Variants in HNRNPM observed in about 807,000 individuals in gnomAD.
HNRNPM encodes heterogeneous nuclear ribonucleoprotein M.
HNRNPM carries 11 observed loss-of-function variants against 73.1 expected under a neutral mutation model. The observed-to-expected ratio is 0.15, with a 90% CI of 0.09 to 0.25. The LOEUF is 0.25. Ranked by LOEUF, HNRNPM falls within the 10% of genes least tolerant of loss-of-function variation. HNRNPM has a pLI of 1.00. For synonymous variants in HNRNPM, 407 were observed against 355.2 expected, an observed-to-expected ratio of 1.15 and a Z score of -1.64; for missense variants, 789 against 1,067.9, an observed-to-expected ratio of 0.74 and a Z score of 3.64.
In HNRNPM at chr19:8,455,510, C is replaced by G. The variant is rs757319373; in HGVS notation, c.219C>G (p.Ala73=). 3 of 1,613,906 alleles carry G rather than the reference C, an allele frequency of 1.9e-6. No homozygotes were observed. The highest frequency in any genetic ancestry group is 1.1e-5 in the South Asian group (1 of 91,084). Residue 73 remains alanine, a synonymous_variant, in exon 2 of 16, where the codon GCC becomes GCG. Coordinates refer to ENST00000325495, the MANE Select transcript of HNRNPM (RefSeq NM_005968.5). ...CCAATCCAACTAAAAGATACAGAGC[C>G]TTCATTACAAACATACCTTTTGATG... The part of the protein sequence containing the change: ...PYANPTKRYR[A]FITNIPFDVK...
chr19:8,451,264 A>T (rs1312998723), intron 1 of HNRNPM, among the ~76,000 whole-genome samples: 1 of 152,040 alleles, frequency 6.6e-6, no homozygotes, highest in African/African-American at 2.4e-5. Context: ...GCTGGTCTTG[A>T]ACTCCTGACC....
chr19:8,455,718 C>T (rs1968958112), intron 2 of HNRNPM, 144 bp downstream of exon 2: 1 of 554,310 alleles, frequency 1.8e-6, no homozygotes, highest in Admixed American at 3.3e-5. Context: ...CCCCTTACCC[C>T]ACCTCAGTTT....
At chr19:8,456,204 G>T (rs549443143) in intron 2 of HNRNPM, among the ~76,000 whole-genome samples, 22 of 152,098 alleles carry the variant, frequency 1.4e-4, no homozygotes, top group Non-Finnish European at 2.6e-4. Context: ...TCATAGCCTA[G>T]GTGTCCACCT....
At chr19:8,479,617 A>G (rs1262456518) in intron 12 of HNRNPM, among the ~76,000 whole-genome samples, 1 of 151,480 alleles carries the variant, frequency 6.6e-6, no homozygotes, top group African/African-American at 2.4e-5. Flanking sequence ...TGCCCAGCTA[A>G]TTTATTTTTT....
At chr19:8,479,096 T>TTTG (rs374579566) in intron 12 of HNRNPM, among the ~76,000 whole-genome samples, 1 of 126,924 alleles carries the variant, frequency 7.9e-6, no homozygotes, top group Non-Finnish European at 1.6e-5. Context: ...TTTTTTTTTT[T>TTTG]TTTTTTCAAG....
chr19:8,480,627 C>T (rs58043469), intron 12 of HNRNPM, among the ~76,000 whole-genome samples: 9,005 of 151,202 alleles, frequency 0.06, 575 homozygotes, highest in African/African-American at 0.16. Flanking sequence ...GACACCACTG[C>T]ACTCTAGCCT....
chr19:8,467,775 C>T (rs1969855198), intron 8 of HNRNPM, among the ~76,000 whole-genome samples, 191 bp downstream of exon 8: 1 of 152,136 alleles, frequency 6.6e-6, no homozygotes, highest in Admixed American at 6.5e-5. Context: ...GCCTGTAATC[C>T]CAGCACTTTG....
At chr19:8,451,742 G>C (rs942977270) in intron 1 of HNRNPM, among the ~76,000 whole-genome samples, 4 of 152,004 alleles carry the variant, frequency 2.6e-5, no homozygotes, top group Non-Finnish European at 5.9e-5. Flanking sequence ...TGTTACCCAG[G>C]CTGGTCTCAA....
At chr19:8,474,022 A>G in intron 11 of HNRNPM, 145 bp from the exon 12 acceptor site, 1 of 623,988 alleles carries the variant, frequency 1.6e-6, no homozygotes, top group Non-Finnish European at 2.8e-6. Flanking sequence ...GGGTGCTAGC[A>G]TTTTTTTTGT....
intron 2 of HNRNPM, among the ~76,000 whole-genome samples, chr19:8,457,710 T>G (rs1341466698): frequency 6.6e-6 from 1 of 152,206 alleles, no homozygotes; most frequent in East Asian, 1.9e-4. Flanking sequence ...TAAGAAATAC[T>G]CTTCTTATTA....
At chr19:8,454,313 G>A (rs1364505153) in intron 1 of HNRNPM, among the ~76,000 whole-genome samples, 1 of 152,154 alleles carries the variant, frequency 6.6e-6, no homozygotes, top group Non-Finnish European at 1.5e-5. Flanking sequence ...TATTTAATAA[G>A]TGGAATCATA....
chr19:8,466,514 A>C, intron 7 of HNRNPM, 126 bp downstream of exon 7: 2 of 973,880 alleles, frequency 2.1e-6, no homozygotes, highest in South Asian at 2.7e-5. Context: ...GGGGGAGTGC[A>C]TTACTGTGGA....
chr19:8,445,788 A>G (rs1001246399), intron 1 of HNRNPM, among the ~76,000 whole-genome samples: 1 of 152,166 alleles, frequency 6.6e-6, no homozygotes, highest in Non-Finnish European at 1.5e-5. Flanking sequence ...CGCCGCAGGT[A>G]TTAGTGGAGA....
In HNRNPM at chr19:8,462,434, G is replaced by T; in HGVS notation, c.284-95G>T. 3 of 1,001,720 alleles carry T rather than the reference G, an allele frequency of 3.0e-6. No homozygotes were observed. The highest frequency in any genetic ancestry group is 4.8e-6 in the Non-Finnish European group (3 of 623,448). 62.1% of individuals were successfully genotyped at this position (1,001,720 alleles called of 1,614,324 possible). On this transcript the variant is annotated intron_variant, in intron 2 of 15. Transcript: ENST00000325495. The surrounding 1 kb of genome is among the most constrained non-coding windows in gnomAD (Gnocchi z 4.5). ...TTCTGGGCTTTCTTATAAGGCAGAG[G>T]CTCCATACAAGGTTGCTGATGATTG...
At chr19:8,478,533 C>G (rs1275321690) in intron 12 of HNRNPM, among the ~76,000 whole-genome samples, 3 of 152,118 alleles carry the variant, frequency 2.0e-5, no homozygotes, top group African/African-American at 7.2e-5. Flanking sequence ...GGTCCGCCCT[C>G]TGGGGTGCAG....
chr19:8,485,917 A>G lies in HNRNPM; in HGVS notation c.1489A>G (p.Met497Val), dbSNP rs764074703. ...GAGMGFGLERMAAPIDRVGQT... is the reference protein window; with the variant it reads ...GAGMGFGLERVAAPIDRVGQT... ...CGGCATGGGCTTCGGCCTTGAGCGC[A>G]TGGCCGCTCCCATCGACCGTGTGGG... The change falls in exon 14 of 16, where the codon ATG (methionine) becomes GTG (valine). Residue 497 changes from methionine (M) to valine (V), a missense_variant. Physicochemically the swap from Met to Val is conservative, Grantham distance 21 (BLOSUM62 1). Coordinates refer to ENST00000325495, the MANE Select transcript of HNRNPM (RefSeq NM_005968.5). 96 of 1,604,028 alleles carry G rather than the reference A, an allele frequency of 6.0e-5. No individual in the cohort carries two copies. The highest frequency in any genetic ancestry group is 6.9e-5 in the Non-Finnish European group (81 of 1,179,364).
chr19:8,465,189 T>C (rs76325274), intron 5 of HNRNPM, 135 bp from the exon 6 acceptor site: 20,891 of 704,914 alleles, frequency 0.03, 861 homozygotes, highest in African/African-American at 0.15. Flanking sequence ...CATTTGACTT[T>C]CTTGTTAATA....
intron 12 of HNRNPM, among the ~76,000 whole-genome samples, chr19:8,479,575 T>A (rs1373471301): frequency 1.3e-5 from 2 of 151,842 alleles, no homozygotes; most frequent in African/African-American, 2.4e-5. Flanking sequence ...CCTTTGCCTC[T>A]GAGTGGCTAG....
chr19:8,445,978 A>G (rs1342134042), intron 1 of HNRNPM, among the ~76,000 whole-genome samples: 3 of 152,150 alleles, frequency 2.0e-5, no homozygotes, highest in Non-Finnish European at 4.4e-5. Context: ...GGCTTTTAAA[A>G]GTTTCTTTAA....
Sources: allele counts gnomAD v4.1 joint callset (sites outside exome capture counted in the v4.1 genomes callset), GRCh38; gene constraint gnomAD v4.1.1; non-coding constraint Gnocchi (gnomAD v3.1); transcripts MANE v1.5; gene names NCBI Gene and HGNC (gene_info 2026-07-23, HGNC 2026-07-21).